ATP9B: variants seen among roughly 807,000 people sequenced by gnomAD.
The protein encoded by ATP9B is ATPase phospholipid transporting 9B, also known as probable phospholipid-transporting ATPase IIB.
ATP9B carries 110 observed loss-of-function variants against 146.1 expected under a neutral mutation model. The observed-to-expected ratio is 0.75, with a 90% CI of 0.65 to 0.88. The LOEUF is 0.88. Among genes scored for constraint, ATP9B ranks in the 40% least tolerant of loss-of-function variants. The pLI is 0.00. For synonymous variants in ATP9B, 604 were observed against 569.7 expected, an observed-to-expected ratio of 1.06 and a Z score of -0.86; for missense variants, 1,499 against 1,496.4, an observed-to-expected ratio of 1.00 and a Z score of -0.03.
intron 12 of ATP9B, among the ~76,000 whole-genome samples, chr18:79,258,336 G>A (rs570835845): frequency 3.9e-5 from 6 of 152,132 alleles, no homozygotes; most frequent in South Asian, 2.1e-4. Flanking sequence ...AGGCTGAGGC[G>A]GGAGGATTGC....
At chr18:79,274,802 G>A (rs376246989) in intron 12 of ATP9B, among the ~76,000 whole-genome samples, 5 of 152,080 alleles carry the variant, frequency 3.3e-5, no homozygotes, top group African/African-American at 1.2e-4. Context: ...ACAATCTTCC[G>A]AGAGCACTTG....
chr18:79,252,780 A>G (rs1367920787), intron 11 of ATP9B, among the ~76,000 whole-genome samples: 1 of 151,828 alleles, frequency 6.6e-6, no homozygotes, highest in Non-Finnish European at 1.5e-5. Context: ...GTTTTATTTT[A>G]AGCTAGCTAA....
At position 79,167,483 on chromosome 18, in the gene ATP9B, G is replaced by A. The variant is rs145999010; in HGVS notation, c.779-9330G>A. Among the ~76,000 whole-genome samples the A allele has an allele frequency of 2.1e-3, 322 of 152,208 alleles. 1 individual carries two copies. Among genetic ancestry groups the A allele is most frequent in the African/African-American group, 7.4e-3 (306 of 41,532 alleles). On this transcript the variant is annotated intron_variant, in intron 7 of 29. Transcript: ENST00000426216. ...TTCTGTTGAGTGTGCAGCCCTCAGC[G>A]GACAGGGGACCTGGAGTGGGTAGCT...
chr18:79,283,752 C>T (rs751237319), intron 13 of ATP9B, among the ~76,000 whole-genome samples: 24 of 152,212 alleles, frequency 1.6e-4, no homozygotes, highest in African/African-American at 5.8e-4. Flanking sequence ...AAATACTCGA[C>T]GCCGGCTGAT....
intron 3 of ATP9B, among the ~76,000 whole-genome samples, chr18:79,112,046 C>A (rs1162486230): frequency 3.3e-5 from 5 of 152,040 alleles, no homozygotes; most frequent in Non-Finnish European, 1.5e-5. Flanking sequence ...TCTTAGACAG[C>A]AGGTTGAACG....
chr18:79,221,868 G>T (rs1265330683), intron 11 of ATP9B, among the ~76,000 whole-genome samples: 2 of 103,416 alleles, frequency 1.9e-5, no homozygotes, highest in African/African-American at 3.8e-5. Context: ...AACTTCTTTG[G>T]CCAATTTTTT....
chr18:79,093,725 C>G (rs1345797733), intron 1 of ATP9B, among the ~76,000 whole-genome samples: 3 of 152,080 alleles, frequency 2.0e-5, no homozygotes, highest in Non-Finnish European at 4.4e-5. Flanking sequence ...TGCGTGTGCA[C>G]ACACCCCCTC....
Position 79,307,228 on chromosome 18 carries a change from G to T in ATP9B, c.1767G>T (p.Pro589=). 1 of 1,614,148 alleles carries T rather than the reference G, an allele frequency of 6.2e-7. No homozygotes were observed. Among genetic ancestry groups the T allele is most frequent in the South Asian group, 1.1e-5 (1 of 91,074 alleles). Residue 589 remains proline, a synonymous_variant, in exon 15 of 30, where the codon CCG becomes CCT. Coordinates refer to ENST00000426216, the MANE Select transcript of ATP9B (RefSeq NM_198531.5). ...DENRTYQASS[P]DEVALVQWTE... ...ATCGCACCTACCAGGCTTCCAGCCC[G>T]GATGAGGTCAGTCAAAGCACAAAAC...
At chr18:79,120,882 A>G (rs2094176318) in intron 4 of ATP9B, among the ~76,000 whole-genome samples, 1 of 152,056 alleles carries the variant, frequency 6.6e-6, no homozygotes, top group Non-Finnish European at 1.5e-5. Flanking sequence ...CCCTTCATCC[A>G]CTCTTTTCTC....
intron 12 of ATP9B, among the ~76,000 whole-genome samples, chr18:79,266,203 A>G (rs6506745): frequency 0.93 from 141,638 of 152,160 alleles, 66,024 homozygotes; most frequent in East Asian, 1. Context: ...TTGTTAGAGC[A>G]GTTCTTAGAT....
At chr18:79,131,812 C>T (rs570776208) in intron 5 of ATP9B, among the ~76,000 whole-genome samples, 63 of 152,272 alleles carry the variant, frequency 4.1e-4, no homozygotes, top group African/African-American at 1.4e-3. Context: ...ATGCTACAAC[C>T]TGGATGAACC....
At chr18:79,353,950 A>G (rs2096936078) in intron 25 of ATP9B, 1 of 152,236 alleles carries the variant, frequency 6.6e-6, no homozygotes, top group South Asian at 2.1e-4. Flanking sequence ...GAATTTCTGG[A>G]TAGAGTTCTC....
At chr18:79,287,560 A>C (rs1271611438) in intron 13 of ATP9B, among the ~76,000 whole-genome samples, 1 of 151,548 alleles carries the variant, frequency 6.6e-6, no homozygotes. Flanking sequence ...ATCCTTTCAA[A>C]AAACCAGCTC....
At chr18:79,137,649 T>G (rs952820989) in intron 5 of ATP9B, among the ~76,000 whole-genome samples, 2 of 152,220 alleles carry the variant, frequency 1.3e-5, no homozygotes, top group African/African-American at 4.8e-5. Flanking sequence ...TTTCTCAGCA[T>G]GCAGGCATGT....
At chr18:79,113,459 GTGT>G in intron 4 of ATP9B, 105 bp downstream of exon 4, 1 of 707,410 alleles carries the variant, frequency 1.4e-6, no homozygotes, top group South Asian at 2.0e-5. Context: ...TTAAAACATG[GTGT>G]TGTAGTGTTC....
At chr18:79,078,983 A>T (rs998775395) in intron 1 of ATP9B, among the ~76,000 whole-genome samples, 2 of 152,188 alleles carry the variant, frequency 1.3e-5, no homozygotes, top group Non-Finnish European at 1.5e-5. Flanking sequence ...CACGCAAAGG[A>T]CATGAACTCA....
At chr18:79,155,783 G>A (rs1384323458) in intron 7 of ATP9B, among the ~76,000 whole-genome samples, 1 of 86,350 alleles carries the variant, frequency 1.2e-5, no homozygotes, top group Non-Finnish European at 2.1e-5. Flanking sequence ...TTTTTTTTGA[G>A]ATGGAGTCTC....
At chr18:79,222,210 T>G (rs2095686798) in intron 11 of ATP9B, among the ~76,000 whole-genome samples, 2 of 152,122 alleles carry the variant, frequency 1.3e-5, no homozygotes, top group South Asian at 4.1e-4. Context: ...ATGCAAAGAA[T>G]TAGCCGGGCG....
At chr18:79,193,335 T>C in intron 9 of ATP9B, 72 bp downstream of exon 9, 2 of 1,212,864 alleles carry the variant, frequency 1.6e-6, no homozygotes, top group Non-Finnish European at 2.4e-6. Context: ...TTTGAGACAG[T>C]AATTCAATCA....
Sources: gnomAD v4.1 joint callset for allele counts (sites outside exome capture counted in the v4.1 genomes callset) on GRCh38, gnomAD v4.1.1 for gene constraint, MANE v1.5 for transcripts, NCBI Gene and HGNC (gene_info 2026-07-23, HGNC 2026-07-21) for gene names.